XKR4: variants seen among roughly 807,000 people sequenced by gnomAD.
XKR4 encodes the protein XK-related protein 4.
Under a neutral mutation model 53.9 loss-of-function variants are expected in XKR4, and 12 were observed. The ratio of observed to expected loss-of-function variants is 0.22; its 90% CI spans 0.14 to 0.36. The LOEUF is 0.36. XKR4 is among the 10% of genes least tolerant of loss of function. The probability of loss-of-function intolerance (pLI) is 1.00; values close to 1 mark genes in which losing one functional copy is unlikely to be tolerated. For synonymous variants in XKR4, 354 were observed against 362.4 expected (o/e 0.98, Z 0.26); for missense variants, 799 against 859.5 (o/e 0.93, Z 0.88).
intron 1 of XKR4, among the ~76,000 whole-genome samples, chr8:55,231,255 C>T (rs1407914435): frequency 2.0e-5 from 3 of 152,108 alleles, no homozygotes; most frequent in Non-Finnish European, 2.9e-5. Flanking sequence ...AACTGAAGTA[C>T]GTACGCAATT....
intron 1 of XKR4, among the ~76,000 whole-genome samples, chr8:55,246,425 G>C (rs946284705): frequency 2.6e-5 from 4 of 152,186 alleles, no homozygotes; most frequent in South Asian, 2.1e-4. Context: ...TTTGGGGAAA[G>C]GGATTAAAGA....
intron 2 of XKR4, chr8:55,452,064 G>T (rs1445127636): frequency 8.5e-6 from 6 of 704,540 alleles, no homozygotes; most frequent in Middle Eastern, 2.8e-4. Context: ...CTTGTTCTTG[G>T]TGACTCGGGG....
intron 2 of XKR4, among the ~76,000 whole-genome samples, chr8:55,460,930 G>C (rs747697678): frequency 3.9e-5 from 6 of 152,382 alleles, no homozygotes; most frequent in Non-Finnish European, 2.9e-5. Context: ...GCGAGGCTGG[G>C]GGAGGGGCAC....
At chr8:55,318,470 TGTTCTCATTAGCA>T (rs1431894357) in intron 1 of XKR4, among the ~76,000 whole-genome samples, 1 of 152,214 alleles carries the variant, frequency 6.6e-6, no homozygotes, top group African/African-American at 2.4e-5. Flanking sequence ...GCCTCTTCTC[TGTTCTCATTAGCA>T]GTTTGTCCCA....
chr8:55,110,275 A>G (rs1039474752), intron 1 of XKR4, among the ~76,000 whole-genome samples: 2 of 152,172 alleles, frequency 1.3e-5, no homozygotes, highest in Non-Finnish European at 2.9e-5. Context: ...CATGATTCTG[A>G]CCACCATAAC....
chr8:55,508,380 A>G (rs1806577115), intron 2 of XKR4, among the ~76,000 whole-genome samples: 1 of 152,230 alleles, frequency 6.6e-6, no homozygotes, highest in Non-Finnish European at 1.5e-5. Flanking sequence ...GTTCAATTCA[A>G]TACAACTTAT....
intron 2 of XKR4, among the ~76,000 whole-genome samples, chr8:55,471,398 A>G (rs1400412823): frequency 6.6e-6 from 1 of 152,122 alleles, no homozygotes; most frequent in Non-Finnish European, 1.5e-5. Flanking sequence ...CTCAACCAGC[A>G]GCATCAGCAC....
At chr8:55,392,936 T>C (rs1209289567) in intron 2 of XKR4, among the ~76,000 whole-genome samples, 1 of 152,178 alleles carries the variant, frequency 6.6e-6, no homozygotes. Context: ...TAAGCATTTA[T>C]CTTGCCTTTC....
intron 2 of XKR4, among the ~76,000 whole-genome samples, chr8:55,439,491 AGAAAT>A (rs1188580170): frequency 1.3e-5 from 2 of 152,242 alleles, no homozygotes; most frequent in Non-Finnish European, 2.9e-5. Context: ...TTTTAAATAA[AGAAAT>A]GAAAGCATGG....
At chr8:55,363,601 G>A (rs570208318) in intron 2 of XKR4, among the ~76,000 whole-genome samples, 204 of 152,240 alleles carry the variant, frequency 1.3e-3, no homozygotes, top group Non-Finnish European at 2.2e-3. Context: ...ACCTCATCGC[G>A]AAGCAGGTGG....
chr8:55,248,989 A>T (rs1290652515), intron 1 of XKR4, among the ~76,000 whole-genome samples: 1 of 152,032 alleles, frequency 6.6e-6, no homozygotes, highest in African/African-American at 2.4e-5. Context: ...CTTTGGCAGA[A>T]TTTCTCTCTC....
intron 1 of XKR4, among the ~76,000 whole-genome samples, chr8:55,239,705 T>G (rs1464544908): frequency 6.6e-6 from 1 of 152,230 alleles, no homozygotes; most frequent in African/African-American, 2.4e-5. Context: ...AATAACCAAG[T>G]TTATACATCT....
chr8:55,328,978 G>A (rs1262202420), intron 1 of XKR4, among the ~76,000 whole-genome samples: 2 of 152,082 alleles, frequency 1.3e-5, no homozygotes, highest in Non-Finnish European at 2.9e-5. Context: ...CAGACACCCT[G>A]GCACAAGGGT....
At chr8:55,281,551 G>A (rs17345965) in intron 1 of XKR4, among the ~76,000 whole-genome samples, 2,457 of 152,258 alleles carry the variant, frequency 0.016, 34 homozygotes, top group Non-Finnish European at 0.024. Context: ...CACTCACATT[G>A]ACCTATGACC....
intron 2 of XKR4, among the ~76,000 whole-genome samples, chr8:55,401,731 T>C (rs1804604377): frequency 1.3e-5 from 2 of 152,250 alleles, no homozygotes; most frequent in Non-Finnish European, 2.9e-5. Context: ...ACAAGTGTTT[T>C]GTGATCAGGA....
At chr8:55,449,097 AC>A (rs1398972460) in intron 2 of XKR4, among the ~76,000 whole-genome samples, 7 of 151,604 alleles carry the variant, frequency 4.6e-5, no homozygotes, top group Non-Finnish European at 7.4e-5. Flanking sequence ...AAAAAAAAAA[AC>A]ATATAAAATT....
At chr8:55,455,665 C>A (rs2129397134) in intron 2 of XKR4, among the ~76,000 whole-genome samples, 1 of 152,256 alleles carries the variant, frequency 6.6e-6, no homozygotes, top group East Asian at 1.9e-4. Flanking sequence ...ATGATACAAC[C>A]ACAGTAGGAT....
At chr8:55,109,497 A>G (rs1816203587) in intron 1 of XKR4, among the ~76,000 whole-genome samples, 1 of 152,166 alleles carries the variant, frequency 6.6e-6, no homozygotes, top group Non-Finnish European at 1.5e-5. Context: ...TTTGGCATCA[A>G]GATCTCTGAG....
At chr8:55,285,046 G>C (rs1211682316) in intron 1 of XKR4, among the ~76,000 whole-genome samples, 1 of 152,158 alleles carries the variant, frequency 6.6e-6, no homozygotes, top group Non-Finnish European at 1.5e-5. Flanking sequence ...TTAAAAACCA[G>C]CTCAGATCAT....
Sources: gnomAD v4.1 joint callset for allele counts (sites outside exome capture counted in the v4.1 genomes callset) on GRCh38, gnomAD v4.1.1 for gene constraint, MANE v1.5 for transcripts, NCBI Gene and HGNC (gene_info 2026-07-23, HGNC 2026-07-21) for gene names.